The following C1orf167 variants were observed in gnomAD, a reference collection of about 807,000 sequenced individuals.
C1orf167 encodes the protein chromosome 1 open reading frame 167.
Under a neutral mutation model 176.5 loss-of-function variants are expected in C1orf167, and 153 were observed. The ratio of observed to expected loss-of-function variants is 0.87; its 90% CI spans 0.76 to 0.99. C1orf167 has a LOEUF of 0.99. Among genes scored for constraint, C1orf167 ranks in the 50% least tolerant of loss-of-function variants. The pLI is 0.00. For missense variants in C1orf167, 1,490 were observed against 1,817.7 expected (o/e 0.82, Z 3.28); for synonymous variants, 594 against 752.7 (o/e 0.79, Z 3.45).
chr1:11,765,377 A>G (rs1335618820), intron 2 of C1orf167, among the ~76,000 whole-genome samples: 1 of 152,016 alleles, frequency 6.6e-6, no homozygotes, highest in African/African-American at 2.4e-5. Flanking sequence ...TTCCCAGAGC[A>G]GCTTACCTTT....
chr1:11,781,394 T>C (rs1356818087), intron 13 of C1orf167, among the ~76,000 whole-genome samples: 1 of 152,194 alleles, frequency 6.6e-6, no homozygotes, highest in Admixed American at 6.5e-5. Flanking sequence ...CCAGCCTGTA[T>C]TCAAGGCGGG....
chr1:11,772,334 T>G, intron 8 of C1orf167, 75 bp downstream of exon 8: 1 of 1,193,672 alleles, frequency 8.4e-7, no homozygotes, highest in Non-Finnish European at 1.1e-6. Flanking sequence ...GGCACCATCT[T>G]GCTCACTGCA....
chr1:11,788,366 G>A lies in C1orf167; in HGVS notation c.4066G>A (p.Gly1356Ser). 2 of 1,294,148 alleles carry A rather than the reference G, an allele frequency of 1.5e-6. No individual in the cohort carries two copies. Among genetic ancestry groups the A allele is most frequent in the Non-Finnish European group, 2.0e-6 (2 of 981,618 alleles). 80.2% of individuals were successfully genotyped at this position (1,294,148 alleles called of 1,614,324 possible). Residue 1356 changes from glycine to serine, a missense_variant, in exon 19 of 21, where the codon GGT becomes AGT. Transcript: ENST00000688073. Reference protein sequence around the residue: ...LGGCPRGRAAGADPAQGVAPE... With the variant: ...LGGCPRGRAASADPAQGVAPE... ...TGGATGCCCAAGGGGCAGAGCAGCT[G>A]GTGCGGACCCTGGTGAGTGGGTGCA... is the stretch of plus-strand genomic sequence containing the variant.
Position 11,778,926 on chromosome 1 carries a change from G to A in C1orf167, c.2497G>A (p.Val833Ile), listed in dbSNP as rs770079262. 3.1e-6 allele frequency: 4 copies of A among 1,302,746 alleles called. No individual in the cohort carries two copies. The highest frequency in any genetic ancestry group is 4.6e-5 in the Admixed American group (2 of 43,414). 80.7% of individuals were successfully genotyped at this position (1,302,746 alleles called of 1,614,324 possible). Residue 833 changes from valine (V) to isoleucine (I), a missense_variant and splice_region_variant, in exon 12 of 21, where the codon GTT becomes ATT. By Grantham distance (29) the Val-to-Ile change is conservative. Coordinates refer to ENST00000688073, the MANE Select transcript of C1orf167 (RefSeq NM_001010881.2). ...SSTLQDSLEK[V>I]PRAPTLPDTL... ...AAGGACTCCACATCTCCTTCCCCAG[G>A]TTCCCAGGGCCCCCACCCTCCCGGA...
chr1:11,788,558 C>T, intron 19 of C1orf167, 94 bp from the exon 20 acceptor site: 1 of 1,168,848 alleles, frequency 8.6e-7, no homozygotes, highest in Non-Finnish European at 1.1e-6. Context: ...CCCTTTCACT[C>T]TGGTGCAGCA....
chr1:11,774,077 A>T (rs187756350), intron 8 of C1orf167, among the ~76,000 whole-genome samples: 18 of 152,146 alleles, frequency 1.2e-4, no homozygotes, highest in African/African-American at 4.3e-4. Flanking sequence ...TAATTTTTAA[A>T]TTTTTTGTAG....
At chr1:11,784,685 T>C in intron 15 of C1orf167, 92 bp downstream of exon 15, 1 of 1,167,734 alleles carries the variant, frequency 8.6e-7, no homozygotes, top group Non-Finnish European at 1.1e-6. Context: ...AATTCATGGC[T>C]GGGTGGCAGG....
chr1:11,772,097 G>T lies in C1orf167; in HGVS notation c.1826G>T (p.Cys609Phe). The change falls in exon 8 of 21, where the codon TGC (cysteine) becomes TTC (phenylalanine). Residue 609 changes from cysteine to phenylalanine, a missense_variant. Coordinates refer to ENST00000688073, the MANE Select transcript of C1orf167 (RefSeq NM_001010881.2). ...ALQLAVFFLWCQQKKRARQER... is the reference protein window; with the variant it reads ...ALQLAVFFLWFQQKKRARQER... Reference sequence around the variant, plus strand: ...CTCTCCTTAGTGTTCTTCCTGTGGTGCCAACAGAAGAAACGGGCCAGACAG... The same window carrying T: ...CTCTCCTTAGTGTTCTTCCTGTGGTTCCAACAGAAGAAACGGGCCAGACAG... The T allele has an allele frequency of 7.7e-7, 1 of 1,303,820 alleles. No homozygotes were observed. The highest frequency in any genetic ancestry group is 1.0e-6 in the Non-Finnish European group (1 of 988,750). The allele number at this position is 1,303,820 out of a possible 1,614,324, so 80.8% of individuals were successfully genotyped here.
chr1:11,783,310 C>T (rs889258850), intron 14 of C1orf167, among the ~76,000 whole-genome samples: 1 of 152,074 alleles, frequency 6.6e-6, no homozygotes, highest in African/African-American at 2.4e-5. Flanking sequence ...TGCAATGGCG[C>T]GATCTCGGCT....
In C1orf167 at chr1:11,782,176, T is replaced by C; in HGVS notation, c.2861-13T>C. ...GAGCACCCAGTGGCTCTTCAGCATCTCTCTGGCCCCAGGGCAGCAGTTCCT... is the reference window on the plus strand; with the variant it reads ...GAGCACCCAGTGGCTCTTCAGCATCCCTCTGGCCCCAGGGCAGCAGTTCCT... On this transcript the variant is annotated splice_polypyrimidine_tract_variant and intron_variant, in intron 13 of 20. Coordinates refer to ENST00000688073, the MANE Select transcript of C1orf167 (RefSeq NM_001010881.2). 1.6e-6 allele frequency: 2 copies of C among 1,261,438 alleles called. No individual in the cohort carries two copies. Among genetic ancestry groups the C allele is most frequent in the Non-Finnish European group, 2.1e-6 (2 of 968,422 alleles). 78.1% of individuals were successfully genotyped at this position (1,261,438 alleles called of 1,614,324 possible). A position where few individuals can be genotyped will look rare whatever the true frequency, so the allele number is the denominator to read the frequency against.
chr1:11,785,937 T>C lies in C1orf167; in HGVS notation c.3567+648T>C, dbSNP rs1003866779. On this transcript the variant is annotated intron_variant, in intron 16 of 20. Transcript: ENST00000688073. Reference sequence around the variant, plus strand: ...TAGTAGAGACGGGGTTTCACCATATTGCCCAAGCTGGTCTCGAACTCCTGA... The same window carrying C: ...TAGTAGAGACGGGGTTTCACCATATCGCCCAAGCTGGTCTCGAACTCCTGA... The C allele has an allele frequency of 4.1e-4, 62 of 152,214 alleles. 1 individual carries two copies. The highest frequency in any genetic ancestry group is 1.5e-3 in the African/African-American group (61 of 41,510). The allele number at this position is 152,214 out of a possible 1,614,324, so 9.4% of individuals were successfully genotyped here.
intron 1 of C1orf167, among the ~76,000 whole-genome samples, chr1:11,763,968 G>A (rs1057101000): frequency 6.6e-6 from 1 of 152,230 alleles, no homozygotes; most frequent in Non-Finnish European, 1.5e-5. Flanking sequence ...CAAGATGGGA[G>A]AGAGCTGGTT....
intron 14 of C1orf167, among the ~76,000 whole-genome samples, chr1:11,783,568 C>A: frequency 6.6e-6 from 1 of 151,992 alleles, no homozygotes; most frequent in East Asian, 1.9e-4. Flanking sequence ...TTTTTCTTGG[C>A]TTCTCACTGA....
In C1orf167 at chr1:11,778,684, G is replaced by A; in HGVS notation, c.2364G>A (p.Gln788=). 3 of 1,300,722 alleles carry A rather than the reference G, an allele frequency of 2.3e-6. No homozygotes were observed. The highest frequency in any genetic ancestry group is 3.0e-6 in the Non-Finnish European group (3 of 986,196). The allele number at this position is 1,300,722 out of a possible 1,614,324, so 80.6% of individuals were successfully genotyped here. A position where few individuals can be genotyped will look rare whatever the true frequency, so the allele number is the denominator to read the frequency against. Residue 788 remains glutamine, a synonymous_variant, in exon 11 of 21, where the codon CAG becomes CAA. Transcript: ENST00000688073. ...GCTCCTTCTTCCAGGGCCTGCAGCA[G>A]CGGATGCTGCAGCGCAGCCTGAGAT... ...WANSFFQGLQ[Q]RMLQRSLRWW...
In C1orf167 at chr1:11,784,366, C is replaced by T. The variant is rs755444844; in HGVS notation, c.3198C>T (p.Cys1066=). 84 of 1,304,060 alleles carry T rather than the reference C, an allele frequency of 6.4e-5. 2 individuals carry two copies. The East Asian group carries it at 1.5e-3, about 23-fold the overall frequency. The allele number at this position is 1,304,060 out of a possible 1,614,324, so 80.8% of individuals were successfully genotyped here. The change falls in exon 15 of 21, where the codon TGC becomes TGT. Residue 1066 remains cysteine, a synonymous_variant. Transcript: ENST00000688073. The stretch of plus-strand genomic sequence containing the variant: ...CCTCCCTTGCCCGCTGGAGAAGCTG[C>T]GGGCAGCAAGGCCAGGAAGATGGGC... ...AQASLARWRS[C]GQQGQEDGQQ...
chr1:11,772,497 A>G (rs1643128952), intron 8 of C1orf167, among the ~76,000 whole-genome samples: 1 of 152,038 alleles, frequency 6.6e-6, no homozygotes, highest in African/African-American at 2.4e-5. Context: ...GAACTCCTGA[A>G]CTCAAGTGAT....
rs1382590643 is a variant in C1orf167 at position 11,766,429 on chromosome 1, CCT to C, written c.647_648del (p.Leu216HisfsTer98). On this transcript the variant is annotated frameshift_variant, in exon 3 of 21. Transcript: ENST00000688073. LOFTEE classifies it high-confidence loss of function. This position sits in a 1 kb window ranked among gnomAD's most constrained non-coding sequence, Gnocchi z 4.5. Reference sequence around the variant, plus strand: ...CTGGAGGTCCAGGCTGGTGGGGGAACCTCTCACCCTGGAGGACCTGGCTGTCC... The same window carrying C: ...CTGGAGGTCCAGGCTGGTGGGGGAACCTCACCCTGGAGGACCTGGCTGTCC... ...GSWRSRLVGE[P>X]LTLEDLAVPS... 7.8e-7 allele frequency: 1 copy of C among 1,283,972 alleles called. No individual in the cohort carries two copies. Among genetic ancestry groups the C allele is most frequent in the Non-Finnish European group, 1.0e-6 (1 of 986,076 alleles). The allele number at this position is 1,283,972 out of a possible 1,614,324, so 79.5% of individuals were successfully genotyped here.
In C1orf167 at chr1:11,778,782, TGAG is replaced by T; in HGVS notation, c.2463_2465del (p.Ser824del). 1 of 1,301,474 alleles carries T rather than the reference TGAG, an allele frequency of 7.7e-7. No individual in the cohort carries two copies. Among genetic ancestry groups the T allele is most frequent in the Non-Finnish European group, 1.0e-6 (1 of 988,304 alleles). 80.6% of individuals were successfully genotyped at this position (1,301,474 alleles called of 1,614,324 possible). ...AAGACCCCCTCGGCTCTGGAGCCAC[TGAG>T]CAGCAGCACACTCCAAGACTCTCTG... On this transcript the variant is annotated inframe_deletion, in exon 11 of 21. Coordinates refer to ENST00000688073, the MANE Select transcript of C1orf167 (RefSeq NM_001010881.2).
At chr1:11,783,356 T>C (rs1643681742) in intron 14 of C1orf167, among the ~76,000 whole-genome samples, 1 of 152,160 alleles carries the variant, frequency 6.6e-6, no homozygotes, top group African/African-American at 2.4e-5. Context: ...CAAGTGATTC[T>C]CCTGCCTCAG....
Sources: gnomAD v4.1 joint callset for allele counts (sites outside exome capture counted in the v4.1 genomes callset) on GRCh38, gnomAD v4.1.1 for gene constraint, Gnocchi (gnomAD v3.1) non-coding constraint, MANE v1.5 for transcripts, NCBI Gene and HGNC (gene_info 2026-07-23, HGNC 2026-07-21) for gene names.